The following TUBGCP3 variants were observed in gnomAD, a reference collection of about 807,000 sequenced individuals.
TUBGCP3 encodes gamma-tubulin complex component 3.
TUBGCP3 carries 50 observed loss-of-function variants against 123.1 expected under a neutral mutation model. That is an observed-to-expected ratio of 0.41 (90% confidence interval 0.32 to 0.51). The LOEUF is 0.51. Among genes scored for constraint, TUBGCP3 ranks in the 20% least tolerant of loss-of-function variants. TUBGCP3 has a pLI of 0.36. For missense variants in TUBGCP3, 882 were observed against 1,127.0 expected, an observed-to-expected ratio of 0.78 and a Z score of 3.11; for synonymous variants, 405 against 413.9, an observed-to-expected ratio of 0.98 and a Z score of 0.26.
At chr13:112,552,801 C>A (rs1879692468) in intron 8 of TUBGCP3, among the ~76,000 whole-genome samples, 1 of 149,118 alleles carries the variant, frequency 6.7e-6, no homozygotes. Context: ...TCCCCATCAG[C>A]CATGCTCCTA....
At chr13:112,490,779 G>T (rs988414624) in intron 20 of TUBGCP3, among the ~76,000 whole-genome samples, 2 of 152,132 alleles carry the variant, frequency 1.3e-5, no homozygotes, top group Non-Finnish European at 2.9e-5. Flanking sequence ...TAGAAACTTG[G>T]AACAGTTCAC....
chr13:112,498,169 A>G (rs949295996), intron 20 of TUBGCP3, among the ~76,000 whole-genome samples: 2 of 152,168 alleles, frequency 1.3e-5, no homozygotes, highest in African/African-American at 4.8e-5. Context: ...ACATACATAT[A>G]AGGTCTCCAA....
At chr13:112,562,800 C>T (rs868828724) in intron 3 of TUBGCP3, among the ~76,000 whole-genome samples, 14 of 152,346 alleles carry the variant, frequency 9.2e-5, no homozygotes, top group African/African-American at 2.2e-4. Flanking sequence ...CTGAATTGTA[C>T]GTGAAGAAAG....
At chr13:112,503,424 C>A (rs186587028) in intron 19 of TUBGCP3, among the ~76,000 whole-genome samples, 65 of 152,288 alleles carry the variant, frequency 4.3e-4, no homozygotes, top group African/African-American at 1.5e-3. Flanking sequence ...GGCTGCAGTG[C>A]AGTGGCGTGA....
At chr13:112,587,273 T>C (rs1180247148) in intron 1 of TUBGCP3, 3 of 152,272 alleles carry the variant, frequency 2.0e-5, no homozygotes, top group Non-Finnish European at 2.9e-5. Context: ...ATTCGCCATG[T>C]GAACTTTCCC....
rs1876912041 is a variant in TUBGCP3, at chr13:112,524,759, T to C, written c.1555+2183A>G. On this transcript the variant is annotated intron_variant, in intron 13 of 21. Transcript: ENST00000261965. This position sits in a 1 kb window ranked among gnomAD's most constrained non-coding sequence, Gnocchi z 4.4. ...CTTGCTACACCATCCTGCCTTGTCC[T>C]GAGTTACCATGGTGAGATAAGTGCT... is the stretch of plus-strand genomic sequence containing the variant. Among the ~76,000 whole-genome samples the C allele has an allele frequency of 6.6e-6, 1 of 152,202 alleles. No homozygotes were observed. Among genetic ancestry groups the C allele is most frequent in the African/African-American group, 2.4e-5 (1 of 41,446 alleles).
At chr13:112,521,770 C>T (rs1402280312) in intron 14 of TUBGCP3, 2 of 985,274 alleles carry the variant, frequency 2.0e-6, no homozygotes, top group Non-Finnish European at 2.4e-6. Flanking sequence ...CATGCCCAGG[C>T]TCACGCTGCC....
chr13:112,522,304 C>T lies in TUBGCP3; in HGVS notation c.1745+16G>A. On this transcript the variant is annotated intron_variant, in intron 14 of 21. Coordinates refer to ENST00000261965, the MANE Select transcript of TUBGCP3 (RefSeq NM_006322.6). ...AAATATATTACTTATTTATAGAAATCAAAATAGTGCCTTACTTTAGCAAGT... is the reference window on the plus strand; with the variant it reads ...AAATATATTACTTATTTATAGAAATTAAAATAGTGCCTTACTTTAGCAAGT... 1 of 1,518,150 alleles carries T rather than the reference C, an allele frequency of 6.6e-7. No individual in the cohort carries two copies. Among genetic ancestry groups the T allele is most frequent in the Non-Finnish European group, 8.9e-7 (1 of 1,120,722 alleles). 94.0% of individuals were successfully genotyped at this position (1,518,150 alleles called of 1,614,324 possible). A position where few individuals can be genotyped will look rare whatever the true frequency, so the allele number is the denominator to read the frequency against.
At chr13:112,603,440 A>G in the TUBGCP3 span, 1 of 152,306 alleles carries the variant, frequency 6.6e-6, no homozygotes, top group Non-Finnish European at 1.5e-5. Flanking sequence ...ACGGTCCTAA[A>G]TGTGCTAGGT....
intron 20 of TUBGCP3, among the ~76,000 whole-genome samples, chr13:112,495,319 C>A (rs572727687): frequency 2.6e-5 from 4 of 152,220 alleles, no homozygotes; most frequent in Admixed American, 2.6e-4. Context: ...CCTTCCTTCT[C>A]TCTGTACTTC....
chr13:112,564,971 C>T, intron 3 of TUBGCP3, 140 bp downstream of exon 3: 1 of 638,688 alleles, frequency 1.6e-6, no homozygotes, highest in Non-Finnish European at 2.5e-6. Flanking sequence ...ACAAAAAAAG[C>T]AAATGCTATC....
At chr13:112,507,222 G>A (rs537456006) in intron 17 of TUBGCP3, among the ~76,000 whole-genome samples, 16 of 152,238 alleles carry the variant, frequency 1.1e-4, no homozygotes, top group African/African-American at 2.9e-4. Context: ...GCCACGACTC[G>A]CGGGTCTCAC....
At chr13:112,488,131 C>CAAAA (rs35453839) in intron 21 of TUBGCP3, among the ~76,000 whole-genome samples, 1 of 53,436 alleles carries the variant, frequency 1.9e-5, no homozygotes, top group African/African-American at 6.2e-5. Context: ...GACTTGGTCT[C>CAAAA]AAAAAAAAAA....
intron 11 of TUBGCP3, among the ~76,000 whole-genome samples, chr13:112,537,139 TTTTTTTTTTA>T (rs1479255422): frequency 4.1e-5 from 6 of 145,722 alleles, no homozygotes; most frequent in Non-Finnish European, 7.5e-5. Context: ...TTTTTTTTTT[TTTTTTTTTTA>T]AAAAAAAAAA....
intron 1 of TUBGCP3, among the ~76,000 whole-genome samples, chr13:112,575,689 T>TTGTG (rs1449591844): frequency 1.3e-5 from 2 of 152,242 alleles, no homozygotes; most frequent in African/African-American, 2.4e-5. Flanking sequence ...ACAGACTGAA[T>TTGTG]TGTGGGTCAC....
At chr13:112,491,391 T>C (rs1382785315) in intron 20 of TUBGCP3, among the ~76,000 whole-genome samples, 1 of 152,142 alleles carries the variant, frequency 6.6e-6, no homozygotes, top group Non-Finnish European at 1.5e-5. Flanking sequence ...TGCTTGTGGT[T>C]TTCTAAGTGA....
At position 112,544,011 on chromosome 13, in the gene TUBGCP3, C is replaced by T. The variant is rs111227499; in HGVS notation, c.1335+1688G>A. 4.9e-3 allele frequency among the ~76,000 whole-genome samples: 749 copies of T among 152,286 alleles called. 8 individuals carry two copies. Among genetic ancestry groups the T allele is most frequent in the African/African-American group, 0.016 (680 of 41,566 alleles). ...AACACCCCAGTGAGATGGCACATTT[C>T]GTGCATTAGGTGAAAATATTCTTAT... On this transcript the variant is annotated intron_variant, in intron 11 of 21. Coordinates refer to ENST00000261965, the MANE Select transcript of TUBGCP3 (RefSeq NM_006322.6).
intron 11 of TUBGCP3, among the ~76,000 whole-genome samples, chr13:112,527,942 A>G (rs1877268782): frequency 6.6e-6 from 1 of 152,244 alleles, no homozygotes; most frequent in South Asian, 2.1e-4. Flanking sequence ...CTGTTCACAG[A>G]CAAGTCCCAA....
At chr13:112,593,458 A>T in the TUBGCP3 span, among the ~76,000 whole-genome samples, 1 of 152,014 alleles carries the variant, frequency 6.6e-6, no homozygotes, top group Non-Finnish European at 1.5e-5. Context: ...AGATCACCTG[A>T]GGTCAGGAGT....
Sources: allele counts gnomAD v4.1 joint callset (sites outside exome capture counted in the v4.1 genomes callset), GRCh38; gene constraint gnomAD v4.1.1; non-coding constraint Gnocchi (gnomAD v3.1); transcripts MANE v1.5; gene names NCBI Gene and HGNC (gene_info 2026-07-23, HGNC 2026-07-21).